Variants in PCDHGA8 observed in about 807,000 individuals in gnomAD.
PCDHGA8 encodes the protein protocadherin gamma-A8.
In PCDHGA8, 45 loss-of-function variants were observed where a neutral mutation model predicts 59.2. The ratio of observed to expected loss-of-function variants is 0.76; its 90% confidence interval spans 0.60 to 0.98. The LOEUF is 0.98. PCDHGA8 is among the 50% of genes least tolerant of loss of function. PCDHGA8 has a pLI of 0.00. For synonymous variants in PCDHGA8, 531 were observed against 519.0 expected, an observed-to-expected ratio of 1.02 and a Z score of -0.32; for missense variants, 1,257 against 1,196.2, an observed-to-expected ratio of 1.05 and a Z score of -0.75.
At position 141,409,758 on chromosome 5, in the gene PCDHGA8, C is replaced by A. The variant is rs763902801; in HGVS notation, c.2424+14521C>A. Reference sequence around the variant, plus strand: ...AGCGGGGTGGTGTTCGCGCAGCGCGCCTTTGATCACGAGCAGCTGCGCGCC... The same window carrying A: ...AGCGGGGTGGTGTTCGCGCAGCGCGACTTTGATCACGAGCAGCTGCGCGCC... On this transcript the variant is annotated intron_variant, in intron 1 of 3. Transcript: ENST00000398604. 4 of 1,612,868 alleles carry A rather than the reference C, an allele frequency of 2.5e-6. No homozygotes were observed. In the African/African-American group the frequency reaches 4.0e-5, roughly 16 times the overall value.
chr5:141,439,680 A>T (rs1478261632), intron 1 of PCDHGA8, among the ~76,000 whole-genome samples: 1 of 152,236 alleles, frequency 6.6e-6, no homozygotes, highest in African/African-American at 2.4e-5. Context: ...ATCCAAGAGC[A>T]GACCCACAAC....
intron 1 of PCDHGA8, among the ~76,000 whole-genome samples, chr5:141,472,497 G>A (rs1196427013): frequency 1.3e-5 from 2 of 151,958 alleles, no homozygotes; most frequent in Non-Finnish European, 2.9e-5. Context: ...ACGAGATCGT[G>A]CCACTGCACT....
At chr5:141,461,185 C>T (rs2154567265) in intron 1 of PCDHGA8, among the ~76,000 whole-genome samples, 1 of 152,134 alleles carries the variant, frequency 6.6e-6, no homozygotes, top group East Asian at 1.9e-4. Context: ...AATGGTAGAT[C>T]TGTTTTTTGC....
At chr5:141,504,570 AC>A (rs1468526948) in intron 2 of PCDHGA8, among the ~76,000 whole-genome samples, 1 of 148,874 alleles carries the variant, frequency 6.7e-6, no homozygotes, top group Admixed American at 6.9e-5. Flanking sequence ...ATTCTAGGGA[AC>A]ACCATCTGCC....
In PCDHGA8 at chr5:141,393,914, C is replaced by T. The variant is rs765664879; in HGVS notation, c.1101C>T (p.Ala367=). The T allele has an allele frequency of 1.2e-6, 2 of 1,613,932 alleles. No homozygotes were observed. Among genetic ancestry groups the T allele is most frequent in the South Asian group, 2.2e-5 (2 of 91,076 alleles). ...LENSLPGTVI[A]FLSVHDQDSG... ...ATTCTCTTCCCGGGACAGTAATTGCCTTCTTGAGTGTGCATGACCAAGACT... is the reference window on the plus strand; with the variant it reads ...ATTCTCTTCCCGGGACAGTAATTGCTTTCTTGAGTGTGCATGACCAAGACT... Residue 367 remains alanine, a synonymous_variant, in exon 1 of 4, where the codon GCC becomes GCT. Coordinates refer to ENST00000398604, the MANE Select transcript of PCDHGA8 (RefSeq NM_032088.2).
chr5:141,489,660 G>A lies in PCDHGA8; in HGVS notation c.2425-5147G>A, dbSNP rs763985085. 3 of 1,614,096 alleles carry A rather than the reference G, an allele frequency of 1.9e-6. No individual in the cohort carries two copies. Among genetic ancestry groups the A allele is most frequent in the Non-Finnish European group, 2.5e-6 (3 of 1,180,036 alleles). On this transcript the variant is annotated intron_variant, in intron 1 of 3. Coordinates refer to ENST00000398604, the MANE Select transcript of PCDHGA8 (RefSeq NM_032088.2). The surrounding 1 kb of genome is among the most constrained non-coding windows in gnomAD (Gnocchi z 4.5). Reference sequence around the variant, plus strand: ...GCTTTGCCACCCCTGAGCGAGAGATGCGCATCTCAGAATCAGCAGCATCTG... The same window carrying A: ...GCTTTGCCACCCCTGAGCGAGAGATACGCATCTCAGAATCAGCAGCATCTG...
At position 141,444,152 on chromosome 5, in the gene PCDHGA8, A is replaced by ATT. The variant is rs747671382; in HGVS notation, c.2424+48950_2424+48951dup. ...GATATGTGTCACTTGTGTGTACTGG[A>ATT]TTTTTTTTTTTTTTTTTTTTTTTTT... On this transcript the variant is annotated intron_variant, in intron 1 of 3. Coordinates refer to ENST00000398604, the MANE Select transcript of PCDHGA8 (RefSeq NM_032088.2). Among the ~76,000 whole-genome samples, 286 of 33,894 alleles carry ATT rather than the reference A, an allele frequency of 8.4e-3. 107 individuals carry two copies. The highest frequency in any genetic ancestry group is 0.011 in the African/African-American group (76 of 7,180). The allele number at this position is 33,894 out of a possible 152,430, so 22.2% of individuals were successfully genotyped here. A position where few individuals can be genotyped will look rare whatever the true frequency, so the allele number is the denominator to read the frequency against.
chr5:141,477,884 G>A lies in PCDHGA8; in HGVS notation c.2425-16923G>A. On this transcript the variant is annotated intron_variant, in intron 1 of 3. Transcript: ENST00000398604. The surrounding 1 kb of genome is among the most constrained non-coding windows in gnomAD (Gnocchi z 4.9). ...TCGAGGTACCTCAGCTGGCCACCTA[G>A]TGTCACGGGTGGTAGGCTGGGACGC... 6.2e-7 allele frequency: 1 copy of A among 1,614,190 alleles called. No homozygotes were observed. The highest frequency in any genetic ancestry group is 8.5e-7 in the Non-Finnish European group (1 of 1,180,036).
intron 1 of PCDHGA8, among the ~76,000 whole-genome samples, chr5:141,473,431 G>T (rs541546681): frequency 3.3e-5 from 5 of 152,148 alleles, no homozygotes; most frequent in Non-Finnish European, 7.3e-5. Flanking sequence ...CAGATACTTT[G>T]CTTATGCAAA....
chr5:141,439,455 C>T (rs62379163), intron 1 of PCDHGA8, among the ~76,000 whole-genome samples: 5,115 of 152,308 alleles, frequency 0.034, 100 homozygotes, highest in Middle Eastern at 0.088. Context: ...GGGAGCAAGA[C>T]TGCACTGCTG....
At chr5:141,505,977 G>A (rs944259753) in intron 3 of PCDHGA8, among the ~76,000 whole-genome samples, 1 of 152,150 alleles carries the variant, frequency 6.6e-6, no homozygotes, top group East Asian at 1.9e-4. Flanking sequence ...CCAGCCGAGA[G>A]AACACCTCCT....
At position 141,490,207 on chromosome 5, in the gene PCDHGA8, C is replaced by T. The variant is rs142098675; in HGVS notation, c.2425-4600C>T. On this transcript the variant is annotated intron_variant, in intron 1 of 3. Transcript: ENST00000398604. This position sits in a 1 kb window ranked among gnomAD's most constrained non-coding sequence, Gnocchi z 5.4. ...TTTCTATGAAATTCATGCAAGAGCC[C>T]GTGACCAGGGACAGCCTGCCATGGA... 41 of 1,614,056 alleles carry T rather than the reference C, an allele frequency of 2.5e-5. No homozygotes were observed. The highest frequency in any genetic ancestry group is 3.3e-4 in the Middle Eastern group (2 of 6,084).
chr5:141,467,681 A>G (rs2099148744), intron 1 of PCDHGA8, among the ~76,000 whole-genome samples: 1 of 152,076 alleles, frequency 6.6e-6, no homozygotes, highest in African/African-American at 2.4e-5. Flanking sequence ...TATTTTTTTT[A>G]GACAGGGTCT....
intron 1 of PCDHGA8, among the ~76,000 whole-genome samples, chr5:141,482,179 G>A (rs1398839482): frequency 6.6e-6 from 1 of 152,040 alleles, no homozygotes; most frequent in Non-Finnish European, 1.5e-5. Flanking sequence ...AAGGCTTTAC[G>A]ATGCTCCAGT....
chr5:141,491,855 G>A lies in PCDHGA8; in HGVS notation c.2425-2952G>A. ...TTCTCGGGATCATTGGACCGTTTGC[G>A]CGAAACCAGAGTGGCCGATTAAGGG... On this transcript the variant is annotated intron_variant, in intron 1 of 3. Coordinates refer to ENST00000398604, the MANE Select transcript of PCDHGA8 (RefSeq NM_032088.2). The surrounding 1 kb of genome is among the most constrained non-coding windows in gnomAD (Gnocchi z 6.9). The A allele has an allele frequency of 2.7e-6, 4 of 1,459,380 alleles. No individual in the cohort carries two copies. The highest frequency in any genetic ancestry group is 3.6e-6 in the Non-Finnish European group (4 of 1,103,492). The allele number at this position is 1,459,380 out of a possible 1,614,324, so 90.4% of individuals were successfully genotyped here. A position where few individuals can be genotyped will look rare whatever the true frequency, so the allele number is the denominator to read the frequency against.
Position 141,431,585 on chromosome 5 carries a change from G to A in PCDHGA8, c.2424+36348G>A. 6.2e-7 allele frequency: 1 copy of A among 1,614,204 alleles called. No individual in the cohort carries two copies. The highest frequency in any genetic ancestry group is 1.6e-4 in the Middle Eastern group (1 of 6,062). On this transcript the variant is annotated intron_variant, in intron 1 of 3. Transcript: ENST00000398604. This position sits in a 1 kb window ranked among gnomAD's most constrained non-coding sequence, Gnocchi z 4.8. ...CGACCCTGACGAAGGAGTCAATGCG[G>A]AAGTGAGGTATTCCTTCCGGTATGT...
intron 1 of PCDHGA8, 134 bp from the exon 2 acceptor site, chr5:141,494,673 C>G: frequency 4.5e-6 from 7 of 1,542,992 alleles, no homozygotes; most frequent in Non-Finnish European, 6.1e-6. Flanking sequence ...GATGAGTCCA[C>G]CCCTGCCCCC....
At chr5:141,446,221 T>C (rs2098493855) in intron 1 of PCDHGA8, among the ~76,000 whole-genome samples, 1 of 152,164 alleles carries the variant, frequency 6.6e-6, no homozygotes, top group African/African-American at 2.4e-5. Flanking sequence ...AATATTGTTG[T>C]GTTGCCTGGC....
intron 1 of PCDHGA8, chr5:141,478,432 G>T (rs1238011675): frequency 6.2e-7 from 1 of 1,613,728 alleles, no homozygotes; most frequent in Admixed American, 1.7e-5. Context: ...GCGACCCGCT[G>T]CTGAAGAAAC....
Sources: gnomAD v4.1 joint callset for allele counts (sites outside exome capture counted in the v4.1 genomes callset) on GRCh38, gnomAD v4.1.1 for gene constraint, Gnocchi (gnomAD v3.1) non-coding constraint, MANE v1.5 for transcripts, NCBI Gene and HGNC (gene_info 2026-07-23, HGNC 2026-07-21) for gene names.